Variants in PCSK6 observed in about 807,000 individuals in gnomAD.
PCSK6 encodes paired basic amino acid cleaving enzyme 4.
PCSK6 carries 85 observed loss-of-function variants against 123.3 expected under a neutral mutation model. That is an observed-to-expected ratio of 0.69 (90% CI 0.58 to 0.83). The LOEUF (loss-of-function observed/expected upper bound fraction) is 0.83, where lower values mean the gene tolerates loss of function less well. PCSK6 is among the 40% of genes least tolerant of loss of function. The pLI is 0.00. For synonymous variants in PCSK6, 508 were observed against 516.0 expected (o/e 0.98, Z 0.21); for missense variants, 1,191 against 1,282.3 (o/e 0.93, Z 1.09).
Position 101,443,576 on chromosome 15 carries a change from A to G in PCSK6, c.382T>C (p.Phe128Leu). Residue 128 changes from phenylalanine (F) to leucine (L), a missense_variant, in exon 2 of 22, where the codon TTC becomes CTC. Around this residue, in one of 3 missense-constraint regions of PCSK6, gnomAD observed 204 missense variants for 166.4 expected, o/e 1.23. Coordinates refer to ENST00000611716, the MANE Select transcript of PCSK6 (RefSeq NM_002570.5). ...TGTACCTGGGGGTCCATTCTGAGGA[A>G]GGTGTGAGGGCCTCTGCTACTCAAG... ...STLSSRGPHT[F>L]LRMDPQVKWL... 1 of 1,613,234 alleles carries G rather than the reference A, an allele frequency of 6.2e-7. No individual in the cohort carries two copies. Among genetic ancestry groups the G allele is most frequent in the Non-Finnish European group, 8.5e-7 (1 of 1,179,172 alleles).
Position 101,464,502 on chromosome 15 carries a change from G to C in PCSK6, c.298-20842C>G, listed in dbSNP as rs536386189. On this transcript the variant is annotated intron_variant, in intron 1 of 21. Coordinates refer to ENST00000611716, the MANE Select transcript of PCSK6 (RefSeq NM_002570.5). The stretch of plus-strand genomic sequence containing the variant: ...ATGAGGTCAGTATGCTGGACCTCCG[G>C]GACATCCTGCAGAGCTGTGGTTCTC... Among the ~76,000 whole-genome samples the C allele has an allele frequency of 2.6e-5, 4 of 152,260 alleles. No individual in the cohort carries two copies. In the South Asian group the frequency reaches 8.3e-4, roughly 32 times the overall value.
At chr15:101,374,194 C>T (rs2041668343) in intron 11 of PCSK6, among the ~76,000 whole-genome samples, 1 of 152,240 alleles carries the variant, frequency 6.6e-6, no homozygotes. Context: ...TCTCCACCCG[C>T]TCCCTTCTCC....
chr15:101,481,007 T>C (rs895190878), intron 1 of PCSK6, among the ~76,000 whole-genome samples: 10 of 152,160 alleles, frequency 6.6e-5, no homozygotes, highest in Non-Finnish European at 1.2e-4. Context: ...CATTTTCTTA[T>C]CTCTAAGTGC....
chr15:101,308,606 A>G (rs1391181331), intron 20 of PCSK6: 1 of 152,282 alleles, frequency 6.6e-6, no homozygotes, highest in African/African-American at 2.4e-5. Flanking sequence ...CCCACAGGCA[A>G]ACTCACACCC....
intron 6 of PCSK6, among the ~76,000 whole-genome samples, chr15:101,408,915 C>T (rs1024450854): frequency 2.6e-5 from 4 of 152,168 alleles, no homozygotes; most frequent in African/African-American, 9.7e-5. Flanking sequence ...GATTCAGTTC[C>T]CCAATCAAAA....
rs912776821 is a variant in PCSK6, at chr15:101,482,762, T to C, written c.297+6612A>G. 6.6e-5 allele frequency among the ~76,000 whole-genome samples: 10 copies of C among 152,308 alleles called. No homozygotes were observed. The Middle Eastern group carries it at 0.01, about 155-fold the overall frequency. ...AAGCCTTTCTAATGGTCCAGTCAGCTGAGCCACCTGCTCAGTCCTGATTCT... is the reference window on the plus strand; with the variant it reads ...AAGCCTTTCTAATGGTCCAGTCAGCCGAGCCACCTGCTCAGTCCTGATTCT... On this transcript the variant is annotated intron_variant, in intron 1 of 21. Coordinates refer to ENST00000611716, the MANE Select transcript of PCSK6 (RefSeq NM_002570.5).
At chr15:101,349,152 G>A (rs558120422) in intron 13 of PCSK6, among the ~76,000 whole-genome samples, 78 of 152,310 alleles carry the variant, frequency 5.1e-4, no homozygotes, top group Admixed American at 1.1e-3. Flanking sequence ...AGAAAGCCAA[G>A]CCCTGTGGGA....
At chr15:101,430,688 C>T (rs1489143954) in intron 4 of PCSK6, among the ~76,000 whole-genome samples, 1 of 152,206 alleles carries the variant, frequency 6.6e-6, no homozygotes, top group East Asian at 1.9e-4. Context: ...CTAAGGGCTG[C>T]ATAACGATCT....
intron 18 of PCSK6, among the ~76,000 whole-genome samples, chr15:101,319,944 C>T (rs893929435): frequency 3.9e-5 from 6 of 152,022 alleles, no homozygotes; most frequent in Admixed American, 1.3e-4. Context: ...ATGGCAAGTC[C>T]GATTTATGGC....
chr15:101,347,443 A>T (rs1349707482), intron 13 of PCSK6: 65 of 1,243,610 alleles, frequency 5.2e-5, no homozygotes, highest in Non-Finnish European at 6.4e-5. Context: ...ATGGTCACAC[A>T]GAAGAGACTA....
intron 1 of PCSK6, among the ~76,000 whole-genome samples, chr15:101,481,512 T>C (rs2057882871): frequency 6.6e-6 from 1 of 151,752 alleles, no homozygotes; most frequent in Non-Finnish European, 1.5e-5. Context: ...GAGCTGCAGC[T>C]ACAGCCAGGG....
At chr15:101,414,870 T>C (rs756959839) in intron 6 of PCSK6, among the ~76,000 whole-genome samples, 12 of 152,192 alleles carry the variant, frequency 7.9e-5, no homozygotes, top group South Asian at 2.1e-4. Flanking sequence ...TTAAAGAGAC[T>C]CTTCAATTGT....
chr15:101,400,681 T>C (rs1245101351), intron 6 of PCSK6, among the ~76,000 whole-genome samples: 2 of 152,210 alleles, frequency 1.3e-5, no homozygotes, highest in Non-Finnish European at 2.9e-5. Context: ...GGGTGTGCTC[T>C]TTTGATGGAA....
chr15:101,322,644 C>T (rs751798349), intron 17 of PCSK6, 37 bp from the exon 18 acceptor site: 16 of 1,309,384 alleles, frequency 1.2e-5, no homozygotes, highest in Middle Eastern at 1.8e-4. Flanking sequence ...AGAGAAGGGA[C>T]GACACTGACA....
intron 1 of PCSK6, among the ~76,000 whole-genome samples, chr15:101,483,632 T>C (rs549831356): frequency 2.8e-4 from 43 of 152,348 alleles, no homozygotes; most frequent in Middle Eastern, 6.8e-3. Context: ...GGAGAATACC[T>C]TGCTGCCATC....
rs1252544491 is a variant in PCSK6, at chr15:101,396,814, C to CA, written c.996+1589dup. Among the ~76,000 whole-genome samples the CA allele has an allele frequency of 1.3e-4, 20 of 152,122 alleles. 1 individual carries two copies. Among genetic ancestry groups the CA allele is most frequent in the Admixed American group, 1.3e-3 (20 of 15,274 alleles). On this transcript the variant is annotated intron_variant, in intron 7 of 21. Coordinates refer to ENST00000611716, the MANE Select transcript of PCSK6 (RefSeq NM_002570.5). ...TGTCCCAAGGATGCCCGCAAGACCC[C>CA]ATGCTGTGTGCGTGCGTGTGTGTGT...
chr15:101,410,126 T>C (rs1567200749), intron 6 of PCSK6, among the ~76,000 whole-genome samples: 1 of 152,196 alleles, frequency 6.6e-6, no homozygotes, highest in Non-Finnish European at 1.5e-5. Flanking sequence ...AGACACAGGG[T>C]CTCACTATGT....
chr15:101,443,014 G>C (rs72772639), intron 2 of PCSK6, among the ~76,000 whole-genome samples: 4,275 of 152,224 alleles, frequency 0.028, 96 homozygotes, highest in South Asian at 0.086. Context: ...ACTGTTGATT[G>C]ATCTTTCTCA....
At chr15:101,400,778 A>G (rs904755436) in intron 6 of PCSK6, among the ~76,000 whole-genome samples, 65 of 152,256 alleles carry the variant, frequency 4.3e-4, no homozygotes, top group African/African-American at 1.5e-3. Flanking sequence ...TTATAAACAT[A>G]TAACCAAATG....
Sources: gnomAD v4.1 joint callset for allele counts (sites outside exome capture counted in the v4.1 genomes callset) on GRCh38, gnomAD v4.1.1 for gene constraint, gnomAD v4.1.1 regional missense constraint, MANE v1.5 for transcripts, NCBI Gene and HGNC (gene_info 2026-07-23, HGNC 2026-07-21) for gene names.